Variants in EVC observed in about 807,000 individuals in gnomAD.
EVC encodes the protein evC complex member EVC.
A neutral mutation model predicts 118.9 loss-of-function variants in EVC; 116 were observed. The observed-to-expected ratio is 0.98, with a 90% CI of 0.84 to 1.14. The LOEUF (loss-of-function observed/expected upper bound fraction) is 1.14, where lower values mean the gene tolerates loss of function less well. EVC is among the 50% of genes most tolerant of loss of function. The pLI, the probability that EVC is intolerant of heterozygous loss-of-function variation, is 0.00. For missense variants in EVC, 1,401 were observed against 1,246.4 expected (o/e 1.12, Z -1.87); for synonymous variants, 619 against 534.7 (o/e 1.16, Z -2.18).
Position 5,797,207 on chromosome 4 carries a change from A to G in EVC, c.2072A>G (p.His691Arg). Residue 691 changes from histidine to arginine, a missense_variant, in exon 14 of 21, where the codon CAT becomes CGT. Physicochemically the swap from His to Arg is conservative, Grantham distance 29. Coordinates refer to ENST00000264956, the MANE Select transcript of EVC (RefSeq NM_153717.3). The stretch of plus-strand genomic sequence containing the variant: ...GGGTCCTCCCAGTGCCTGGACGAGC[A>G]TCAGTGGCAGCTGCTCAGGGCCCTG... ...EQGSSQCLDE[H>R]QWQLLRALEA... 6.2e-7 allele frequency: 1 copy of G among 1,611,874 alleles called. No homozygotes were observed. The highest frequency in any genetic ancestry group is 1.3e-5 in the African/African-American group (1 of 75,034).
At chr4:5,807,058 G>T (rs1254697297) in intron 17 of EVC, among the ~76,000 whole-genome samples, 1 of 152,156 alleles carries the variant, frequency 6.6e-6, no homozygotes, top group Non-Finnish European at 1.5e-5. Context: ...TGTGAGAGAG[G>T]CTGGAGTCTG....
rs978610646 is a variant in EVC, at chr4:5,738,894, G to T, written c.703-2822G>T. On this transcript the variant is annotated intron_variant, in intron 5 of 20. Coordinates refer to ENST00000264956, the MANE Select transcript of EVC (RefSeq NM_153717.3). The surrounding 1 kb of genome is among the most constrained non-coding windows in gnomAD (Gnocchi z 6.5). ...CAACTTTTTTTTAATAATCATCTTAGGCTCAGATGATCATTAGCATTTTTT... is the reference window on the plus strand; with the variant it reads ...CAACTTTTTTTTAATAATCATCTTATGCTCAGATGATCATTAGCATTTTTT... 3.9e-5 allele frequency among the ~76,000 whole-genome samples: 6 copies of T among 152,086 alleles called. No individual in the cohort carries two copies. The highest frequency in any genetic ancestry group is 7.4e-5 in the Non-Finnish European group (5 of 67,998).
chr4:5,790,721 AGAG>A (rs1386761455), intron 12 of EVC, among the ~76,000 whole-genome samples: 3 of 152,214 alleles, frequency 2.0e-5, no homozygotes, highest in Non-Finnish European at 2.9e-5. Context: ...TTTTAAAAAC[AGAG>A]GAGATTAATA....
intron 11 of EVC, chr4:5,758,104 C>A: frequency 1.4e-6 from 1 of 702,314 alleles, no homozygotes; most frequent in Non-Finnish European, 2.6e-6. Flanking sequence ...GACATAGAGA[C>A]ACAGGGAAGG....
At chr4:5,804,367 C>G (rs1387432522) in intron 16 of EVC, among the ~76,000 whole-genome samples, 1 of 152,214 alleles carries the variant, frequency 6.6e-6, no homozygotes, top group African/African-American at 2.4e-5. Flanking sequence ...AGAGCACCCA[C>G]TTCGGCACTG....
At position 5,719,026 on chromosome 4, in the gene EVC, C is replaced by T. The variant is rs572839878; in HGVS notation, c.175-222C>T. Among the ~76,000 whole-genome samples, 7 of 152,266 alleles carry T rather than the reference C, an allele frequency of 4.6e-5. No individual in the cohort carries two copies. The highest frequency in any genetic ancestry group is 4.2e-4 in the South Asian group (2 of 4,816). On this transcript the variant is annotated intron_variant, in intron 1 of 20. Coordinates refer to ENST00000264956, the MANE Select transcript of EVC (RefSeq NM_153717.3). This position sits in a 1 kb window ranked among gnomAD's most constrained non-coding sequence, Gnocchi z 4.7. ...GGCATCCTGGAGGCCTTAGGGGAAC[C>T]GCTCAGGAAGGTGACCTGTGCAGTC...
chr4:5,737,035 G>T lies in EVC; in HGVS notation c.702+3600G>T, dbSNP rs1357386626. Among the ~76,000 whole-genome samples the T allele has an allele frequency of 6.6e-6, 1 of 152,184 alleles. No individual in the cohort carries two copies. The highest frequency in any genetic ancestry group is 2.4e-5 in the African/African-American group (1 of 41,446). On this transcript the variant is annotated intron_variant, in intron 5 of 20. Coordinates refer to ENST00000264956, the MANE Select transcript of EVC (RefSeq NM_153717.3). The surrounding 1 kb of genome is among the most constrained non-coding windows in gnomAD (Gnocchi z 5.0). Reference sequence around the variant, plus strand: ...GCCAAGTTGTGAATGCAAAGAAAAAGTTCTTGAAGGAAATTAAAAGTGCTA... The same window carrying T: ...GCCAAGTTGTGAATGCAAAGAAAAATTTCTTGAAGGAAATTAAAAGTGCTA...
rs75687976 is a variant in EVC at position 5,737,243 on chromosome 4, G to A, written c.702+3808G>A. On this transcript the variant is annotated intron_variant, in intron 5 of 20. Transcript: ENST00000264956. The surrounding 1 kb of genome is among the most constrained non-coding windows in gnomAD (Gnocchi z 5.0). The stretch of plus-strand genomic sequence containing the variant: ...TGCTGAGAGAGGTGAGGAAGCTGCA[G>A]AAGAAAAATTTGAAGCTAGCAGAGC... Among the ~76,000 whole-genome samples, 752 of 152,294 alleles carry A rather than the reference G, an allele frequency of 4.9e-3. 14 individuals carry two copies. The East Asian group carries it at 0.058, about 12-fold the overall frequency.
At chr4:5,806,519 G>A (rs536462163) in intron 17 of EVC, among the ~76,000 whole-genome samples, 31 of 152,218 alleles carry the variant, frequency 2.0e-4, no homozygotes, top group Middle Eastern at 6.8e-3. Context: ...TAAAAGACAT[G>A]ATTTCATTCT....
At chr4:5,795,011 T>A (rs1212984522) in intron 13 of EVC, among the ~76,000 whole-genome samples, 2 of 152,186 alleles carry the variant, frequency 1.3e-5, no homozygotes, top group Non-Finnish European at 2.9e-5. Flanking sequence ...CTACATTAAT[T>A]TCCTTACGAT....
At chr4:5,788,839 A>AT (rs1712215562) in intron 12 of EVC, among the ~76,000 whole-genome samples, 1 of 152,226 alleles carries the variant, frequency 6.6e-6, no homozygotes, top group South Asian at 2.1e-4. Context: ...CACAGGCTGC[A>AT]TGCAGCCCAA....
the EVC span, among the ~76,000 whole-genome samples, chr4:5,827,135 C>T: frequency 6.6e-6 from 1 of 152,190 alleles, no homozygotes; most frequent in Non-Finnish European, 1.5e-5. Context: ...TCCTATTGCT[C>T]CTGCAAATTG....
At chr4:5,723,702 G>A (rs1429893528) in intron 2 of EVC, among the ~76,000 whole-genome samples, 1 of 152,096 alleles carries the variant, frequency 6.6e-6, no homozygotes, top group Non-Finnish European at 1.5e-5. Context: ...AGCCAGGGCT[G>A]GTGTCCTGGG....
intron 11 of EVC, among the ~76,000 whole-genome samples, chr4:5,764,537 T>C (rs1174579353): frequency 0.021 from 3,096 of 150,016 alleles, 112 homozygotes; most frequent in African/African-American, 0.072. Context: ...GGTCCTGGAC[T>C]CTTTTTGGTT....
chr4:5,744,578 T>A (rs6857467), intron 6 of EVC, among the ~76,000 whole-genome samples: 84,237 of 151,980 alleles, frequency 0.55, 23,716 homozygotes, highest in Non-Finnish European at 0.61. Context: ...CGATGTGGCT[T>A]ACATGCACAG....
chr4:5,827,617 C>G, the EVC span, among the ~76,000 whole-genome samples: 1 of 151,872 alleles, frequency 6.6e-6, no homozygotes, highest in East Asian at 1.9e-4. Flanking sequence ...CATACACACA[C>G]GCGCACACAC....
chr4:5,731,401 G>T lies in EVC; in HGVS notation c.385-24G>T, dbSNP rs768240882. ...ATCCCAGAGGCATCACATGGACTGA[G>T]TGTGACTCCTACTGCCACCCCAGCC... On this transcript the variant is annotated intron_variant, in intron 3 of 20. Transcript: ENST00000264956. This position sits in a 1 kb window ranked among gnomAD's most constrained non-coding sequence, Gnocchi z 5.6. 5 of 1,558,744 alleles carry T rather than the reference G, an allele frequency of 3.2e-6. No homozygotes were observed. The highest frequency in any genetic ancestry group is 1.4e-5 in the African/African-American group (1 of 73,660).
At chr4:5,736,362 A>G (rs1318542836) in intron 5 of EVC, among the ~76,000 whole-genome samples, 3 of 152,240 alleles carry the variant, frequency 2.0e-5, no homozygotes, top group Non-Finnish European at 4.4e-5. Context: ...TGTAGACAGC[A>G]GTATTCAACC....
chr4:5,810,431 C>G lies in EVC; in HGVS notation c.2875C>G (p.Gln959Glu), dbSNP rs1259932360. Residue 959 changes from glutamine (Q) to glutamate (E), a missense_variant, in exon 20 of 21, where the codon CAG becomes GAG. By Grantham distance (29) the Gln-to-Glu change is conservative (BLOSUM62 2). Transcript: ENST00000264956. ...PNNEDLASGD[Q>E]TSGSLSSKRL... ...CAATGAGGACCTTGCCTCCGGGGAC[C>G]AGACCTCAGGCTCACTCAGGTATGA... is the stretch of plus-strand genomic sequence containing the variant. The G allele has an allele frequency of 6.2e-7, 1 of 1,612,180 alleles. No individual in the cohort carries two copies. Among genetic ancestry groups the G allele is most frequent in the African/African-American group, 1.3e-5 (1 of 74,902 alleles).
Sources: allele counts gnomAD v4.1 joint callset (sites outside exome capture counted in the v4.1 genomes callset), GRCh38; gene constraint gnomAD v4.1.1; non-coding constraint Gnocchi (gnomAD v3.1); transcripts MANE v1.5; gene names NCBI Gene and HGNC (gene_info 2026-07-23, HGNC 2026-07-21).